Variants in PRKCA observed in about 807,000 individuals in gnomAD.
PRKCA encodes the protein protein kinase C alpha type.
PRKCA carries 27 observed loss-of-function variants against 87.0 expected under a neutral mutation model. The observed-to-expected ratio is 0.31, with a 90% CI of 0.23 to 0.43. The LOEUF (loss-of-function observed/expected upper bound fraction) is 0.43, where lower values mean the gene tolerates loss of function less well. PRKCA is among the 20% of genes least tolerant of loss of function. The pLI is 1.00. For missense variants in PRKCA, 518 were observed against 852.3 expected (o/e 0.61, Z 4.88); for synonymous variants, 329 against 311.1 (o/e 1.06, Z -0.61).
At chr17:66,418,903 C>A (rs939090728) in intron 2 of PRKCA, among the ~76,000 whole-genome samples, 2 of 151,410 alleles carry the variant, frequency 1.3e-5, no homozygotes, top group Non-Finnish European at 2.9e-5. Context: ...AGGCGCCCAC[C>A]ATCACGCCCG....
At chr17:66,647,941 A>G (rs1478082078) in intron 5 of PRKCA, among the ~76,000 whole-genome samples, 3 of 152,036 alleles carry the variant, frequency 2.0e-5, no homozygotes, top group African/African-American at 7.2e-5. Context: ...TAATAATAAT[A>G]ATGTCTTATT....
At chr17:66,548,193 T>A (rs1338520787) in intron 3 of PRKCA, among the ~76,000 whole-genome samples, 2 of 152,138 alleles carry the variant, frequency 1.3e-5, no homozygotes, top group African/African-American at 4.8e-5. Flanking sequence ...AAACTACAGC[T>A]CCTTACACTT....
intron 14 of PRKCA, among the ~76,000 whole-genome samples, chr17:66,786,124 G>A (rs1048803533): frequency 2.6e-5 from 4 of 152,316 alleles, no homozygotes; most frequent in South Asian, 2.1e-4. Flanking sequence ...CACCGCGCCC[G>A]GCCTGGAGAA....
chr17:66,495,993 CT>C (rs1259642601), intron 2 of PRKCA, among the ~76,000 whole-genome samples: 2 of 152,166 alleles, frequency 1.3e-5, no homozygotes, highest in Non-Finnish European at 2.9e-5. Flanking sequence ...CCTGTCAGTG[CT>C]GGCATTTTGG....
chr17:66,515,080 C>T (rs1389980041), intron 3 of PRKCA, among the ~76,000 whole-genome samples: 1 of 151,712 alleles, frequency 6.6e-6, no homozygotes, highest in Non-Finnish European at 1.5e-5. Flanking sequence ...ATGGTGAAAC[C>T]CCATCTCTAC....
At chr17:66,437,978 AGGTGCTAC>A (rs142291998) in intron 2 of PRKCA, among the ~76,000 whole-genome samples, 1,560 of 150,426 alleles carry the variant, frequency 0.01, 25 homozygotes, top group African/African-American at 0.036. Flanking sequence ...ATTCTGGACT[AGGTGCTAC>A]TGTGCCCTTT....
intron 3 of PRKCA, among the ~76,000 whole-genome samples, chr17:66,509,230 G>A (rs1221858736): frequency 6.6e-6 from 1 of 151,032 alleles, no homozygotes. Flanking sequence ...AATATAAGAT[G>A]TTGACTCAAT....
intron 2 of PRKCA, among the ~76,000 whole-genome samples, chr17:66,469,597 A>G (rs1915236774): frequency 6.6e-6 from 1 of 152,226 alleles, no homozygotes; most frequent in African/African-American, 2.4e-5. Flanking sequence ...GGGATTTACT[A>G]GCATGTGATA....
intron 3 of PRKCA, among the ~76,000 whole-genome samples, chr17:66,504,079 T>G (rs1916865540): frequency 6.6e-6 from 1 of 152,168 alleles, no homozygotes; most frequent in Non-Finnish European, 1.5e-5. Context: ...TTCTAGACCT[T>G]TGTTTTCTTA....
At chr17:66,361,918 A>T (rs1908412868) in intron 2 of PRKCA, among the ~76,000 whole-genome samples, 1 of 152,184 alleles carries the variant, frequency 6.6e-6, no homozygotes, top group Non-Finnish European at 1.5e-5. Flanking sequence ...ACAATGTGAG[A>T]GTGTCTGTTT....
chr17:66,777,944 G>C (rs1413447478), intron 14 of PRKCA: 1 of 985,238 alleles, frequency 1.0e-6, no homozygotes, highest in African/African-American at 1.7e-5. Context: ...GAGAACTCAG[G>C]GAATGCTTTC....
intron 2 of PRKCA, among the ~76,000 whole-genome samples, chr17:66,409,873 A>G (rs897330826): frequency 2.0e-5 from 3 of 152,224 alleles, no homozygotes; most frequent in African/African-American, 7.2e-5. Context: ...AGCCGAGATC[A>G]CGCCACTGCA....
At chr17:66,575,372 A>G (rs1278349243) in intron 3 of PRKCA, among the ~76,000 whole-genome samples, 1 of 152,176 alleles carries the variant, frequency 6.6e-6, no homozygotes, top group East Asian at 1.9e-4. Flanking sequence ...TGAGGTCAAG[A>G]GTTCTAGACC....
chr17:66,314,899 G>A (rs866311345), intron 2 of PRKCA, among the ~76,000 whole-genome samples: 42 of 143,390 alleles, frequency 2.9e-4, no homozygotes, highest in Non-Finnish European at 3.4e-4. Flanking sequence ...GTGTGTGTGT[G>A]TGTATGTATG....
At chr17:66,750,879 T>C (rs1974412513) in intron 13 of PRKCA, among the ~76,000 whole-genome samples, 1 of 152,226 alleles carries the variant, frequency 6.6e-6, no homozygotes, top group Non-Finnish European at 1.5e-5. Flanking sequence ...AGCTTTTCCC[T>C]GCGGTGACTG....
intron 2 of PRKCA, among the ~76,000 whole-genome samples, chr17:66,343,507 T>C (rs1907169829): frequency 6.6e-6 from 1 of 152,132 alleles, no homozygotes; most frequent in African/African-American, 2.4e-5. Context: ...CTGGTTTTGT[T>C]ATGATCAGGT....
At chr17:66,697,257 C>T in intron 8 of PRKCA, among the ~76,000 whole-genome samples, 1 of 152,192 alleles carries the variant, frequency 6.6e-6, no homozygotes, top group East Asian at 1.9e-4. Context: ...GCCACACTAT[C>T]CCAATAGAAT....
At chr17:66,554,237 A>G (rs1968428123) in intron 3 of PRKCA, among the ~76,000 whole-genome samples, 1 of 128,958 alleles carries the variant, frequency 7.8e-6, no homozygotes. Flanking sequence ...CCCCGTCTCT[A>G]TGAAAAAAAA....
intron 2 of PRKCA, among the ~76,000 whole-genome samples, chr17:66,370,468 ATG>A (rs901535152): frequency 3.2e-4 from 48 of 150,584 alleles, no homozygotes; most frequent in African/African-American, 8.5e-4. Flanking sequence ...CAGGTGCAGT[ATG>A]TGAGGTCAGC....
Sources: gnomAD v4.1 joint callset for allele counts (sites outside exome capture counted in the v4.1 genomes callset) on GRCh38, gnomAD v4.1.1 for gene constraint, MANE v1.5 for transcripts, NCBI Gene and HGNC (gene_info 2026-07-23, HGNC 2026-07-21) for gene names.